The following NME7 variants were observed in gnomAD, a reference collection of about 807,000 sequenced individuals.
NME7 encodes nucleoside diphosphate kinase 7.
In NME7, 41 loss-of-function variants were observed where a neutral mutation model predicts 49.1. The observed-to-expected ratio is 0.83, with a 90% CI of 0.65 to 1.08. The LOEUF (loss-of-function observed/expected upper bound fraction) is 1.08, where lower values mean the gene tolerates loss of function less well. NME7 is among the 50% of genes least tolerant of loss of function. The pLI, the probability that NME7 is intolerant of heterozygous loss-of-function variation, is 0.00. For synonymous variants in NME7, 139 were observed against 150.6 expected, an observed-to-expected ratio of 0.92 and a Z score of 0.56; for missense variants, 423 against 463.4, an observed-to-expected ratio of 0.91 and a Z score of 0.80.
intron 10 of NME7, among the ~76,000 whole-genome samples, chr1:169,201,712 A>C (rs956971386): frequency 5.9e-5 from 9 of 152,120 alleles, no homozygotes; most frequent in African/African-American, 2.2e-4. Context: ...GTTTGCAAGG[A>C]AGGAGAATGG....
At chr1:169,190,969 C>CTT (rs1660209549) in intron 10 of NME7, among the ~76,000 whole-genome samples, 4 of 115,430 alleles carry the variant, frequency 3.5e-5, no homozygotes, top group African/African-American at 1.2e-4. Flanking sequence ...CCCGCCACTA[C>CTT]GCCCGGCTAA....
chr1:169,223,579 A>G (rs74942996), intron 10 of NME7, among the ~76,000 whole-genome samples: 1,654 of 152,234 alleles, frequency 0.011, 31 homozygotes, highest in African/African-American at 0.037. Context: ...TCTGTGTCCT[A>G]TTGATATGTC....
At chr1:169,214,734 G>A (rs1023757329) in intron 10 of NME7, among the ~76,000 whole-genome samples, 1 of 152,330 alleles carries the variant, frequency 6.6e-6, no homozygotes, top group East Asian at 1.9e-4. Context: ...CCTTGTGGGA[G>A]GGCATGCGTA....
At chr1:169,275,636 T>G (rs563027589) in intron 7 of NME7, among the ~76,000 whole-genome samples, 4 of 131,384 alleles carry the variant, frequency 3.0e-5, no homozygotes, top group Non-Finnish European at 5.3e-5. Context: ...TGCAAACAGG[T>G]ACAATTTGAC....
chr1:169,184,191 A>G (rs991854236), intron 10 of NME7, among the ~76,000 whole-genome samples: 2 of 152,076 alleles, frequency 1.3e-5, no homozygotes. Flanking sequence ...CTTCTAGGCT[A>G]TCTGATCTCT....
At chr1:169,298,482 T>C (rs777951676) in intron 6 of NME7, 74 bp downstream of exon 6, 22 of 1,456,112 alleles carry the variant, frequency 1.5e-5, no homozygotes, top group East Asian at 2.3e-5. Flanking sequence ...TCACCAGTGA[T>C]AGAAATGCTT....
intron 7 of NME7, 23 bp from the exon 8 acceptor site, chr1:169,237,710 G>A: frequency 1.3e-6 from 2 of 1,574,022 alleles, no homozygotes; most frequent in South Asian, 1.2e-5. Flanking sequence ...GACAATGAGT[G>A]AAAAAATACA....
At chr1:169,324,613 A>G in intron 1 of NME7, 113 bp from the exon 2 acceptor site, 2 of 628,370 alleles carry the variant, frequency 3.2e-6, no homozygotes, top group South Asian at 2.0e-5. Flanking sequence ...ACTTCTACCT[A>G]TTATATTGAA....
At chr1:169,140,451 T>C (rs1344659653) in intron 11 of NME7, among the ~76,000 whole-genome samples, 1 of 152,192 alleles carries the variant, frequency 6.6e-6, no homozygotes, top group African/African-American at 2.4e-5. Flanking sequence ...AGTGGGCATG[T>C]AAGTTTCTGG....
chr1:169,305,862 T>C (rs1651153873), intron 4 of NME7, among the ~76,000 whole-genome samples: 1 of 152,216 alleles, frequency 6.6e-6, no homozygotes, highest in Non-Finnish European at 1.5e-5. Flanking sequence ...AAGTCTCATG[T>C]CATCTGCTAA....
At chr1:169,219,509 G>C (rs1454875331) in intron 10 of NME7, among the ~76,000 whole-genome samples, 6 of 152,138 alleles carry the variant, frequency 3.9e-5, no homozygotes, top group African/African-American at 1.4e-4. Context: ...GATACCAGAG[G>C]ATGGCTGTAT....
At chr1:169,150,299 G>C (rs1366653822) in intron 11 of NME7, among the ~76,000 whole-genome samples, 1 of 152,148 alleles carries the variant, frequency 6.6e-6, no homozygotes, top group African/African-American at 2.4e-5. Flanking sequence ...ATATTTAAGA[G>C]TCTAAGGGCA....
At chr1:169,188,395 G>A (rs548038108) in intron 10 of NME7, among the ~76,000 whole-genome samples, 22 of 152,242 alleles carry the variant, frequency 1.4e-4, no homozygotes, top group Non-Finnish European at 1.8e-4. Context: ...ACAGAGCTTT[G>A]GAAACTTGAT....
intron 6 of NME7, among the ~76,000 whole-genome samples, chr1:169,293,944 G>A (rs571085314): frequency 3.3e-5 from 5 of 151,332 alleles, no homozygotes; most frequent in East Asian, 1.9e-4. Flanking sequence ...TTTTTTAACC[G>A]TATGAATGGA....
chr1:169,195,268 C>T (rs1012457753), intron 10 of NME7, among the ~76,000 whole-genome samples: 3 of 152,130 alleles, frequency 2.0e-5, no homozygotes, highest in African/African-American at 7.2e-5. Flanking sequence ...CTCTGTCACC[C>T]AGGCACAATC....
chr1:169,367,770 A>T lies in NME7; in HGVS notation c.-60T>A, dbSNP rs1653943153. 6.2e-7 allele frequency: 1 copy of T among 1,608,264 alleles called. No homozygotes were observed. Among genetic ancestry groups the T allele is most frequent in the Non-Finnish European group, 8.5e-7 (1 of 1,175,172 alleles). Reference sequence around the variant, plus strand: ...GTTGAGACAGGAAGACACCACCACCACCACCATCATACGGTTACTCAGGCA... The same window carrying T: ...GTTGAGACAGGAAGACACCACCACCTCCACCATCATACGGTTACTCAGGCA... On this transcript the variant is annotated 5_prime_UTR_variant, in exon 1 of 12. Coordinates refer to ENST00000367811, the MANE Select transcript of NME7 (RefSeq NM_013330.5).
intron 11 of NME7, among the ~76,000 whole-genome samples, chr1:169,161,990 C>T (rs529072151): frequency 5.9e-5 from 9 of 152,090 alleles, no homozygotes; most frequent in African/African-American, 2.2e-4. Flanking sequence ...TTCCGGCAAC[C>T]GATGGACCTC....
intron 1 of NME7, among the ~76,000 whole-genome samples, chr1:169,335,608 C>T (rs952895272): frequency 2.0e-5 from 3 of 151,510 alleles, no homozygotes; most frequent in Non-Finnish European, 2.9e-5. Context: ...TGCAGCAAAT[C>T]ACCATGGCAC....
chr1:169,229,834 C>G (rs1358402482), intron 10 of NME7, among the ~76,000 whole-genome samples: 4 of 151,918 alleles, frequency 2.6e-5, no homozygotes, highest in African/African-American at 9.7e-5. Flanking sequence ...GGGTGGCACA[C>G]ACCTGTAGTC....
Sources: allele counts gnomAD v4.1 joint callset (sites outside exome capture counted in the v4.1 genomes callset), GRCh38; gene constraint gnomAD v4.1.1; transcripts MANE v1.5; gene names NCBI Gene and HGNC (gene_info 2026-07-23, HGNC 2026-07-21).